DLGAP2: variants seen among roughly 807,000 people sequenced by gnomAD.
DLGAP2 encodes the protein DLG associated protein 2.
In DLGAP2, 26 loss-of-function variants were observed where a neutral mutation model predicts 100.3. The observed-to-expected ratio is 0.26, with a 90% CI of 0.19 to 0.36. The LOEUF is 0.36. DLGAP2 is among the 10% of genes least tolerant of loss of function. The pLI is 1.00. For missense variants in DLGAP2, 1,858 were observed against 1,453.2 expected, an observed-to-expected ratio of 1.28 and a Z score of -4.53; for synonymous variants, 886 against 630.1, an observed-to-expected ratio of 1.41 and a Z score of -6.08.
chr8:1,484,758 C>CTGAG (rs971133522), intron 3 of DLGAP2, among the ~76,000 whole-genome samples: 2 of 152,222 alleles, frequency 1.3e-5, no homozygotes, highest in African/African-American at 4.8e-5. Context: ...GGCATCATAT[C>CTGAG]TGAGGGACAG....
chr8:1,686,660 G>C (rs1170010147), intron 12 of DLGAP2, among the ~76,000 whole-genome samples: 2 of 149,726 alleles, frequency 1.3e-5, no homozygotes, highest in African/African-American at 2.5e-5. Flanking sequence ...GGCAACAAGA[G>C]GGAGACCCCA....
At position 1,317,043 on chromosome 8, in the gene DLGAP2, C is replaced by T. The variant is rs878876383; in HGVS notation, c.106+58160C>T. Among the ~76,000 whole-genome samples, 11 of 116,040 alleles carry T rather than the reference C, an allele frequency of 9.5e-5. No individual in the cohort carries two copies. The East Asian group carries it at 1.3e-3, about 14-fold the overall frequency. 76.1% of individuals were successfully genotyped at this position (116,040 alleles called of 152,430 possible). The stretch of plus-strand genomic sequence containing the variant: ...GCAGCTTTTAAAAATAGAGCGTGTG[C>T]GAGTGCAGCGTCTCTCCAACAGTGG... On this transcript the variant is annotated intron_variant, in intron 3 of 14. Transcript: ENST00000637795.
In DLGAP2 at chr8:1,361,191, A is replaced by G. The variant is rs574464200; in HGVS notation, c.106+102308A>G. ...CAACAGTGTCTGCAGGGGTCGAACC[A>G]CCAACTGCAAATGTGTAGCCCTGAC... On this transcript the variant is annotated intron_variant, in intron 3 of 14. Transcript: ENST00000637795. Among the ~76,000 whole-genome samples the G allele has an allele frequency of 3.3e-5, 5 of 152,266 alleles. No homozygotes were observed. The East Asian group carries it at 9.7e-4, about 30-fold the overall frequency.
At chr8:1,255,771 TG>T (rs1799190903) in intron 2 of DLGAP2, among the ~76,000 whole-genome samples, 1 of 139,794 alleles carries the variant, frequency 7.2e-6, no homozygotes, top group Non-Finnish European at 1.6e-5. Context: ...GCCTGGGTGC[TG>T]TGTGTGTGTC....
chr8:1,249,370 C>T (rs975380714), intron 2 of DLGAP2, among the ~76,000 whole-genome samples: 12 of 152,120 alleles, frequency 7.9e-5, no homozygotes, highest in Non-Finnish European at 1.3e-4. Context: ...CACTGTGCTT[C>T]CCATCTAGTT....
intron 1 of DLGAP2, among the ~76,000 whole-genome samples, chr8:806,109 A>T (rs1410950251): frequency 1.3e-5 from 2 of 152,158 alleles, no homozygotes; most frequent in Non-Finnish European, 2.9e-5. Flanking sequence ...TCAGCTTAAG[A>T]CTCAAAGAAG....
chr8:1,256,128 C>T (rs1403195533), intron 2 of DLGAP2, among the ~76,000 whole-genome samples: 1 of 108,064 alleles, frequency 9.3e-6, no homozygotes, highest in Non-Finnish European at 1.7e-5. Flanking sequence ...TGCCTGGGTG[C>T]TTTCTGTGTC....
chr8:1,668,556 G>C lies in DLGAP2; in HGVS notation c.2038G>C (p.Ala680Pro). 1 of 1,590,114 alleles carries C rather than the reference G, an allele frequency of 6.3e-7. No homozygotes were observed. The highest frequency in any genetic ancestry group is 8.5e-7 in the Non-Finnish European group (1 of 1,169,782). The change falls in exon 9 of 15, where the codon GCC becomes CCC. Residue 680 changes from alanine (A) to proline (P), a missense_variant. Coordinates refer to ENST00000637795, the MANE Select transcript of DLGAP2 (RefSeq NM_001346810.2). ...GGCCATGAACCTCGCGCTGGAAACG[G>C]CCGCTGCCCAGCGCCACCTGCCAGA... ...NKAMNLALET[A>P]AAQRHLPESQ...
chr8:1,652,341 G>C (rs1798186579), intron 8 of DLGAP2, among the ~76,000 whole-genome samples: 1 of 152,150 alleles, frequency 6.6e-6, no homozygotes, highest in Non-Finnish European at 1.5e-5. Context: ...TAGAATATAA[G>C]TTCCACAGGG....
intron 4 of DLGAP2, among the ~76,000 whole-genome samples, chr8:1,507,842 C>T (rs927749062): frequency 8.3e-5 from 12 of 145,026 alleles, no homozygotes; most frequent in African/African-American, 3.1e-4. Flanking sequence ...CATCCTGTAG[C>T]CTCCACCACC....
intron 1 of DLGAP2, among the ~76,000 whole-genome samples, chr8:871,958 C>A (rs1242107515): frequency 4.6e-5 from 7 of 152,244 alleles, no homozygotes; most frequent in African/African-American, 1.7e-4. Flanking sequence ...TGTTGAATTT[C>A]TTCTTACATA....
chr8:1,189,102 C>T (rs1208333136), intron 2 of DLGAP2, among the ~76,000 whole-genome samples: 1 of 142,988 alleles, frequency 7.0e-6, no homozygotes, highest in African/African-American at 2.9e-5. Flanking sequence ...TTGGGGTTGA[C>T]CTTACACAGG....
At chr8:1,649,026 G>A (rs1175306669) in intron 8 of DLGAP2, among the ~76,000 whole-genome samples, 1 of 152,112 alleles carries the variant, frequency 6.6e-6, no homozygotes, top group Admixed American at 6.6e-5. Context: ...ACATGTCTGG[G>A]GAGAGGTCCG....
chr8:1,116,295 C>G (rs948650229), intron 2 of DLGAP2, among the ~76,000 whole-genome samples: 2 of 152,200 alleles, frequency 1.3e-5, no homozygotes, highest in African/African-American at 4.8e-5. Flanking sequence ...CGACCACCCT[C>G]CAAAGCACCA....
chr8:1,286,807 C>T (rs936929700), intron 3 of DLGAP2, among the ~76,000 whole-genome samples: 1 of 152,212 alleles, frequency 6.6e-6, no homozygotes, highest in Non-Finnish European at 1.5e-5. Context: ...AACTCAACTC[C>T]TGTGGAAGGA....
At chr8:1,465,764 G>A (rs937297947) in intron 3 of DLGAP2, among the ~76,000 whole-genome samples, 1 of 152,202 alleles carries the variant, frequency 6.6e-6, no homozygotes, top group Non-Finnish European at 1.5e-5. Context: ...GTGGAAACTA[G>A]CAAGGCCTAT....
intron 3 of DLGAP2, among the ~76,000 whole-genome samples, chr8:1,308,891 A>G (rs561919274): frequency 3.3e-4 from 51 of 152,328 alleles, no homozygotes; most frequent in African/African-American, 1.1e-3. Flanking sequence ...GAAACAATGT[A>G]TGAAGAAAAT....
At chr8:1,506,272 A>AC (rs372739897) in intron 4 of DLGAP2, among the ~76,000 whole-genome samples, 158 of 152,278 alleles carry the variant, frequency 1.0e-3, no homozygotes, top group African/African-American at 3.7e-3. Flanking sequence ...TATACTTGTC[A>AC]TTTTATCGTC....
Position 839,922 on chromosome 8 carries a change from A to G in DLGAP2, c.19-67990A>G, listed in dbSNP as rs539978886. On this transcript the variant is annotated intron_variant, in intron 1 of 14. Coordinates refer to ENST00000637795, the MANE Select transcript of DLGAP2 (RefSeq NM_001346810.2). ...GTCTCCCCACACTCTGGGTTCTGCA[A>G]GCGCATCTACACGGTGCACACCTGC... Among the ~76,000 whole-genome samples the G allele has an allele frequency of 8.6e-5, 13 of 151,506 alleles. No homozygotes were observed. The South Asian group carries it at 2.8e-3, about 32-fold the overall frequency.
Sources: gnomAD v4.1 joint callset for allele counts (sites outside exome capture counted in the v4.1 genomes callset) on GRCh38, gnomAD v4.1.1 for gene constraint, MANE v1.5 for transcripts, NCBI Gene and HGNC (gene_info 2026-07-23, HGNC 2026-07-21) for gene names.